LUZP2: variants seen among roughly 807,000 people sequenced by gnomAD.
LUZP2 encodes leucine zipper protein 2.
Under a neutral mutation model 51.6 loss-of-function variants are expected in LUZP2, and 52 were observed. That is an observed-to-expected ratio of 1.01 (90% confidence interval 0.81 to 1.27). The LOEUF is 1.27. LUZP2 is among the 50% of genes most tolerant of loss of function. The pLI, the probability that LUZP2 is intolerant of heterozygous loss-of-function variation, is 0.00. For missense variants in LUZP2, 436 were observed against 395.4 expected (o/e 1.10, Z -0.87); for synonymous variants, 154 against 137.3 (o/e 1.12, Z -0.85).
chr11:24,497,319 C>A lies in LUZP2; in HGVS notation c.62+14C>A. 1 of 1,516,970 alleles carries A rather than the reference C, an allele frequency of 6.6e-7. No individual in the cohort carries two copies. Among genetic ancestry groups the A allele is most frequent in the Non-Finnish European group, 8.9e-7 (1 of 1,125,466 alleles). The allele number at this position is 1,516,970 out of a possible 1,614,324, so 94.0% of individuals were successfully genotyped here. On this transcript the variant is annotated intron_variant, in intron 1 of 11. Transcript: ENST00000336930. The stretch of plus-strand genomic sequence containing the variant: ...CCTCAGCACCAGGTGAGTCCAGGAG[C>A]GTGAGTGACCTGAGGCCAGGGGCGC...
intron 7 of LUZP2, 31 bp downstream of exon 7, chr11:24,914,569 C>A (rs886158939): frequency 1.4e-5 from 20 of 1,436,182 alleles, no homozygotes; most frequent in Non-Finnish European, 1.8e-5. Flanking sequence ...TTCCCTGAAA[C>A]TTGCTAGCTC....
intron 7 of LUZP2, among the ~76,000 whole-genome samples, chr11:24,963,570 A>G (rs575195562): frequency 5.1e-4 from 77 of 151,280 alleles, no homozygotes; most frequent in Admixed American, 3.5e-3. Flanking sequence ...CCTCCGAGCC[A>G]TGTGCGGGAT....
chr11:25,013,277 T>G (rs1374412688), intron 9 of LUZP2, among the ~76,000 whole-genome samples: 1 of 151,916 alleles, frequency 6.6e-6, no homozygotes, highest in Non-Finnish European at 1.5e-5. Flanking sequence ...AAACATACAC[T>G]TAACGTAGAA....
chr11:24,927,134 C>G (rs966633984), intron 7 of LUZP2, among the ~76,000 whole-genome samples: 1 of 147,470 alleles, frequency 6.8e-6, no homozygotes, highest in African/African-American at 2.5e-5. Context: ...TGTTTGAGTT[C>G]CTCATAGATT....
chr11:24,872,225 A>G (rs1590668018), intron 5 of LUZP2, among the ~76,000 whole-genome samples: 2 of 152,222 alleles, frequency 1.3e-5, no homozygotes, highest in South Asian at 4.1e-4. Flanking sequence ...TTTACTTACA[A>G]TTACTGCAAA....
chr11:24,597,543 A>G (rs1030106420), intron 1 of LUZP2, among the ~76,000 whole-genome samples: 1 of 152,232 alleles, frequency 6.6e-6, no homozygotes, highest in South Asian at 2.1e-4. Flanking sequence ...TTTGAAAAGA[A>G]TAAGACATGA....
intron 1 of LUZP2, among the ~76,000 whole-genome samples, chr11:24,677,525 C>A (rs1226623009): frequency 1.3e-5 from 2 of 152,292 alleles, no homozygotes; most frequent in Admixed American, 1.3e-4. Context: ...CTGCTCTTTG[C>A]AAATTAGGCA....
rs1207861982 is a variant in LUZP2, at chr11:24,537,775, T to A, written c.62+40470T>A. ...TTGCATATATTATTATATCATGACATTTTAATGCAAGAATCTGGATATTTG... is the reference window on the plus strand; with the variant it reads ...TTGCATATATTATTATATCATGACAATTTAATGCAAGAATCTGGATATTTG... On this transcript the variant is annotated intron_variant, in intron 1 of 11. Coordinates refer to ENST00000336930, the MANE Select transcript of LUZP2 (RefSeq NM_001009909.4). Among the ~76,000 whole-genome samples, 3 of 151,908 alleles carry A rather than the reference T, an allele frequency of 2.0e-5. No individual in the cohort carries two copies. The Admixed American group carries it at 2.0e-4, about 10-fold the overall frequency.
At chr11:24,614,688 C>T (rs1458081084) in intron 1 of LUZP2, among the ~76,000 whole-genome samples, 1 of 151,898 alleles carries the variant, frequency 6.6e-6, no homozygotes, top group Admixed American at 6.6e-5. Flanking sequence ...AACTTTTCCT[C>T]GAGAAGGGAC....
chr11:24,598,745 T>G (rs1240985685), intron 1 of LUZP2, among the ~76,000 whole-genome samples: 1 of 152,196 alleles, frequency 6.6e-6, no homozygotes, highest in Non-Finnish European at 1.5e-5. Context: ...TCTAGTTTTG[T>G]GTCTACCTAA....
rs181547114 is a variant in LUZP2 at position 24,939,231 on chromosome 11, G to A, written c.522+24693G>A. Among the ~76,000 whole-genome samples, 333 of 152,054 alleles carry A rather than the reference G, an allele frequency of 2.2e-3. 3 individuals carry two copies. Among genetic ancestry groups the A allele is most frequent in the Admixed American group, 4.0e-3 (61 of 15,276 alleles). ...TACGGACTTCTAAAAAAGTGCACTC[G>A]TACTTGTTTAACTTTTTTTGTTCAC... On this transcript the variant is annotated intron_variant, in intron 7 of 11. Transcript: ENST00000336930.
intron 5 of LUZP2, among the ~76,000 whole-genome samples, chr11:24,765,629 C>CTTTTTTTT (rs762443498): frequency 6.8e-5 from 9 of 133,042 alleles, no homozygotes; most frequent in Non-Finnish European, 1.3e-4. Context: ...TTTCTTTTTT[C>CTTTTTTTT]TTTTTTTTTT....
intron 4 of LUZP2, among the ~76,000 whole-genome samples, chr11:24,754,974 C>T (rs548505060): frequency 1.3e-5 from 2 of 152,098 alleles, no homozygotes; most frequent in African/African-American, 2.4e-5. Context: ...GGTGAAACCC[C>T]GTCTCTACTA....
intron 5 of LUZP2, among the ~76,000 whole-genome samples, chr11:24,875,364 G>T (rs1269086586): frequency 4.7e-5 from 7 of 148,572 alleles, no homozygotes; most frequent in Non-Finnish European, 3.0e-5. Context: ...TTGGTTTTTT[G>T]TTCTTGCAAT....
intron 1 of LUZP2, among the ~76,000 whole-genome samples, chr11:24,590,604 T>C (rs1258817460): frequency 6.6e-6 from 1 of 152,180 alleles, no homozygotes; most frequent in Non-Finnish European, 1.5e-5. Context: ...TGTCCTCTTT[T>C]GCTTTATAAA....
intron 1 of LUZP2, among the ~76,000 whole-genome samples, chr11:24,694,075 T>C (rs1015009397): frequency 6.6e-6 from 1 of 152,018 alleles, no homozygotes; most frequent in Non-Finnish European, 1.5e-5. Context: ...GAAATCTCAA[T>C]TATTTCTGTT....
At chr11:25,022,366 A>G (rs1590845708) in intron 9 of LUZP2, among the ~76,000 whole-genome samples, 1 of 152,180 alleles carries the variant, frequency 6.6e-6, no homozygotes, top group Non-Finnish European at 1.5e-5. Context: ...TATCATGCTT[A>G]CCCAATAAGT....
intron 1 of LUZP2, among the ~76,000 whole-genome samples, chr11:24,556,270 C>A (rs959727112): frequency 6.6e-6 from 1 of 152,098 alleles, no homozygotes; most frequent in Non-Finnish European, 1.5e-5. Flanking sequence ...AAGAACTATG[C>A]CATTCACTTT....
intron 9 of LUZP2, among the ~76,000 whole-genome samples, chr11:24,990,189 G>C (rs1338700685): frequency 2.6e-5 from 4 of 151,740 alleles, no homozygotes; most frequent in Non-Finnish European, 5.9e-5. Context: ...CCTTTTTCGA[G>C]GTAGTTCAGG....
Sources: allele counts gnomAD v4.1 joint callset (sites outside exome capture counted in the v4.1 genomes callset), GRCh38; gene constraint gnomAD v4.1.1; transcripts MANE v1.5; gene names NCBI Gene and HGNC (gene_info 2026-07-23, HGNC 2026-07-21).